The following PDZRN4 variants were observed in gnomAD, a reference collection of about 807,000 sequenced individuals.
PDZRN4 encodes the protein PDZ domain containing ring finger 4.
PDZRN4 carries 70 observed loss-of-function variants against 99.0 expected under a neutral mutation model. The ratio of observed to expected loss-of-function variants is 0.71; its 90% confidence interval spans 0.58 to 0.86. The LOEUF is 0.86. Among genes scored for constraint, PDZRN4 ranks in the 40% least tolerant of loss-of-function variants. The probability of loss-of-function intolerance (pLI) is 0.00; values close to 1 mark genes in which losing one functional copy is unlikely to be tolerated. For synonymous variants in PDZRN4, 551 were observed against 501.6 expected, an observed-to-expected ratio of 1.10 and a Z score of -1.32; for missense variants, 1,474 against 1,331.2, an observed-to-expected ratio of 1.11 and a Z score of -1.67.
rs189366189 is a variant in PDZRN4 at position 41,483,383 on chromosome 12, T to C, written c.844-23073T>C. On this transcript the variant is annotated intron_variant, in intron 3 of 9. Transcript: ENST00000402685. ...CTTTTGAAATTTCTTAGGATTCTTA[T>C]GGTGCCACAGGGCTTGAACAGGATC... 5.5e-4 allele frequency among the ~76,000 whole-genome samples: 84 copies of C among 152,280 alleles called. 1 individual carries two copies. The highest frequency in any genetic ancestry group is 1.5e-3 in the African/African-American group (61 of 41,568).
intron 3 of PDZRN4, among the ~76,000 whole-genome samples, chr12:41,504,301 G>A (rs1198148894): frequency 6.6e-6 from 1 of 151,810 alleles, no homozygotes; most frequent in East Asian, 1.9e-4. Context: ...TAAATAAATA[G>A]TTGATAACAG....
intron 3 of PDZRN4, among the ~76,000 whole-genome samples, chr12:41,251,606 C>A (rs930333759): frequency 1.3e-5 from 2 of 152,088 alleles, no homozygotes; most frequent in African/African-American, 2.4e-5. Flanking sequence ...TATTTTGATG[C>A]AAATAAATTT....
chr12:41,342,724 T>C (rs183300228), intron 3 of PDZRN4, among the ~76,000 whole-genome samples: 1 of 152,064 alleles, frequency 6.6e-6, no homozygotes, highest in Admixed American at 6.6e-5. Flanking sequence ...TTGGCAAATA[T>C]ATGGAGAAAA....
At chr12:41,275,802 A>T (rs1187974776) in intron 3 of PDZRN4, among the ~76,000 whole-genome samples, 2 of 152,174 alleles carry the variant, frequency 1.3e-5, no homozygotes, top group East Asian at 3.8e-4. Context: ...GGTTTCAGTG[A>T]TGAGTATAAA....
chr12:41,536,743 AT>A (rs1938754629), intron 5 of PDZRN4, among the ~76,000 whole-genome samples: 1 of 151,332 alleles, frequency 6.6e-6, no homozygotes, highest in Admixed American at 6.6e-5. Context: ...CCTGAAAAAA[AT>A]AACATCTATT....
intron 3 of PDZRN4, among the ~76,000 whole-genome samples, chr12:41,292,657 G>A (rs1360642090): frequency 1.3e-5 from 2 of 151,756 alleles, no homozygotes; most frequent in Admixed American, 6.6e-5. Flanking sequence ...ATGCCTGGTA[G>A]CATGAGACTT....
intron 3 of PDZRN4, among the ~76,000 whole-genome samples, chr12:41,402,125 A>G (rs1952294141): frequency 1.1e-5 from 1 of 90,956 alleles, no homozygotes; most frequent in Non-Finnish European, 1.9e-5. Flanking sequence ...GTATATATAT[A>G]TATATATATA....
chr12:41,236,498 G>A (rs993437027), intron 3 of PDZRN4, among the ~76,000 whole-genome samples: 1 of 152,012 alleles, frequency 6.6e-6, no homozygotes, highest in Non-Finnish European at 1.5e-5. Context: ...TTTATAGAAG[G>A]AGAAGAAGAT....
chr12:41,309,120 T>C (rs989858358), intron 3 of PDZRN4, among the ~76,000 whole-genome samples: 19 of 152,148 alleles, frequency 1.2e-4, no homozygotes, highest in Non-Finnish European at 2.5e-4. Context: ...TAGGATCTGA[T>C]GTTTCATATA....
At chr12:41,225,900 A>AC (rs1031155311) in intron 3 of PDZRN4, among the ~76,000 whole-genome samples, 1 of 151,160 alleles carries the variant, frequency 6.6e-6, no homozygotes, top group South Asian at 2.1e-4. Context: ...GGAGCCAGGC[A>AC]CCCCCCTGGA....
At chr12:41,372,181 C>A (rs1952047144) in intron 3 of PDZRN4, among the ~76,000 whole-genome samples, 1 of 152,120 alleles carries the variant, frequency 6.6e-6, no homozygotes, top group African/African-American at 2.4e-5. Flanking sequence ...AAGTGCTTCA[C>A]ATTGAGTACA....
At chr12:41,339,443 A>G (rs550776100) in intron 3 of PDZRN4, among the ~76,000 whole-genome samples, 1 of 152,298 alleles carries the variant, frequency 6.6e-6, no homozygotes, top group East Asian at 1.9e-4. Flanking sequence ...AAAGATTTAA[A>G]TCTAAGTCCT....
chr12:41,369,693 A>T (rs1322670927), intron 3 of PDZRN4, among the ~76,000 whole-genome samples: 1 of 152,024 alleles, frequency 6.6e-6, no homozygotes, highest in Non-Finnish European at 1.5e-5. Context: ...GTATACATGT[A>T]AGTCATAGAA....
chr12:41,275,887 G>A (rs1951347149), intron 3 of PDZRN4, among the ~76,000 whole-genome samples: 1 of 152,284 alleles, frequency 6.6e-6, no homozygotes. Flanking sequence ...GTACAGGCTG[G>A]ATGTGAAAAA....
intron 3 of PDZRN4, among the ~76,000 whole-genome samples, chr12:41,234,158 T>A (rs1272000387): frequency 6.6e-6 from 1 of 152,054 alleles, no homozygotes; most frequent in East Asian, 1.9e-4. Context: ...AACCCCCCAA[T>A]TTATAGAGCT....
At chr12:41,445,624 G>A (rs1191693484) in intron 3 of PDZRN4, among the ~76,000 whole-genome samples, 2 of 151,900 alleles carry the variant, frequency 1.3e-5, no homozygotes, top group Admixed American at 1.3e-4. Flanking sequence ...CTCAAAAGAG[G>A]TCCCCAGCTT....
chr12:41,475,684 C>T (rs1192454133), intron 3 of PDZRN4, among the ~76,000 whole-genome samples: 1 of 152,142 alleles, frequency 6.6e-6, no homozygotes, highest in African/African-American at 2.4e-5. Context: ...ATAATATTAG[C>T]GCTCAAATTT....
intron 3 of PDZRN4, among the ~76,000 whole-genome samples, chr12:41,470,492 C>CT (rs1356646607): frequency 3.9e-5 from 2 of 50,864 alleles, no homozygotes; most frequent in Non-Finnish European, 6.3e-5. Context: ...GCTTCACTTC[C>CT]TTTTTTTTTA....
chr12:41,281,145 A>T (rs1951383175), intron 3 of PDZRN4, among the ~76,000 whole-genome samples: 1 of 152,014 alleles, frequency 6.6e-6, no homozygotes. Flanking sequence ...AAGGAAGACT[A>T]ACAAACAGAA....
Sources: allele counts gnomAD v4.1 joint callset (sites outside exome capture counted in the v4.1 genomes callset), GRCh38; gene constraint gnomAD v4.1.1; transcripts MANE v1.5; gene names NCBI Gene and HGNC (gene_info 2026-07-23, HGNC 2026-07-21).